Variants in MRTFB observed in about 807,000 individuals in gnomAD.
The protein encoded by MRTFB is myocardin-related transcription factor B.
Under a neutral mutation model 104.2 loss-of-function variants are expected in MRTFB, and 29 were observed. The observed-to-expected ratio is 0.28, with a 90% CI of 0.21 to 0.38. The LOEUF (loss-of-function observed/expected upper bound fraction) is 0.38. Among genes scored for constraint, MRTFB ranks in the 10% least tolerant of loss-of-function variants. The pLI, the probability that MRTFB is intolerant of heterozygous loss-of-function variation, is 1.00. For synonymous variants in MRTFB, 535 were observed against 519.5 expected (o/e 1.03, Z -0.41); for missense variants, 1,270 against 1,341.6 (o/e 0.95, Z 0.83).
At position 14,101,999 on chromosome 16, in the gene MRTFB, T is replaced by A. The variant is rs556680711; in HGVS notation, c.-64+22645T>A. ...TTTTGAAAAATACATAACAGCTGTT[T>A]GCTGAGAGGCACTAATGGGACTGGT... On this transcript the variant is annotated intron_variant, in intron 2 of 16. Coordinates refer to ENST00000571589, the MANE Select transcript of MRTFB (RefSeq NM_001308142.2). 3.3e-5 allele frequency among the ~76,000 whole-genome samples: 5 copies of A among 152,146 alleles called. No individual in the cohort carries two copies. In the South Asian group the frequency reaches 1.0e-3, roughly 32 times the overall value.
chr16:14,234,604 G>A (rs1259986673), intron 9 of MRTFB, among the ~76,000 whole-genome samples: 1 of 152,056 alleles, frequency 6.6e-6, no homozygotes, highest in East Asian at 1.9e-4. Context: ...GAACAGCCTG[G>A]GCAACATAGC....
chr16:14,177,062 A>G lies in MRTFB; in HGVS notation c.155-33181A>G, dbSNP rs934298642. 3.3e-5 allele frequency among the ~76,000 whole-genome samples: 5 copies of G among 152,184 alleles called. No individual in the cohort carries two copies. Among genetic ancestry groups the G allele is most frequent in the African/African-American group, 9.7e-5 (4 of 41,442 alleles). ...GAATAGGGAAATCCAGGAAGAAAAA[A>G]CTTGTACAAAAACAAGGACAACACA... On this transcript the variant is annotated intron_variant, in intron 3 of 16. Coordinates refer to ENST00000571589, the MANE Select transcript of MRTFB (RefSeq NM_001308142.2). The surrounding 1 kb of genome is among the most constrained non-coding windows in gnomAD (Gnocchi z 4.7).
At chr16:14,042,557 A>T in the MRTFB span, among the ~76,000 whole-genome samples, 1 of 152,356 alleles carries the variant, frequency 6.6e-6, no homozygotes, top group South Asian at 2.1e-4. Flanking sequence ...CTGGGAAGTT[A>T]AATCAGTTGT....
chr16:14,140,850 G>A, intron 3 of MRTFB, 90 bp downstream of exon 3: 3 of 1,511,990 alleles, frequency 2.0e-6, no homozygotes, highest in Non-Finnish European at 1.8e-6. Context: ...TAATATTTTG[G>A]TCAGTTCAGC....
chr16:14,073,558 C>T (rs1445916801), intron 1 of MRTFB, among the ~76,000 whole-genome samples: 1 of 152,132 alleles, frequency 6.6e-6, no homozygotes, highest in African/African-American at 2.4e-5. Context: ...ATTGATTATT[C>T]TAGAATCTCA....
intron 1 of MRTFB, among the ~76,000 whole-genome samples, chr16:14,074,672 A>C (rs1026469324): frequency 6.6e-6 from 1 of 152,212 alleles, no homozygotes; most frequent in Admixed American, 6.5e-5. Context: ...AAATTATTAC[A>C]TAATTTTACT....
chr16:14,247,487 G>T lies in MRTFB; in HGVS notation c.2227G>T (p.Val743Leu), dbSNP rs544041839. The T allele has an allele frequency of 5.7e-6, 9 of 1,565,618 alleles. No homozygotes were observed. In the South Asian group the frequency reaches 6.9e-5, roughly 12 times the overall value. Reference protein sequence around the residue: ...GSSVTSVQLPVGSLKLQTSPQ... With the variant: ...GSSVTSVQLPLGSLKLQTSPQ... ...GAGTGTCACCTCAGTGCAACTCCCTGTAGGCAGCCTCAAACTCCAGGTGTG... is the reference window on the plus strand; with the variant it reads ...GAGTGTCACCTCAGTGCAACTCCCTTTAGGCAGCCTCAAACTCCAGGTGTG... Residue 743 changes from valine to leucine, a missense_variant, in exon 12 of 17, where the codon GTA becomes TTA. Physicochemically the swap from Val to Leu is conservative, Grantham distance 32. Around this residue, in one of 3 missense-constraint regions of MRTFB, gnomAD observed 1,144 missense variants for 1,131.5 expected, o/e 1.01. Coordinates refer to ENST00000571589, the MANE Select transcript of MRTFB (RefSeq NM_001308142.2).
At chr16:14,124,512 A>G (rs1025333763) in intron 2 of MRTFB, among the ~76,000 whole-genome samples, 5 of 152,194 alleles carry the variant, frequency 3.3e-5, no homozygotes, top group African/African-American at 1.2e-4. Flanking sequence ...TTCTGCATCT[A>G]TTGAGATAAT....
At chr16:14,099,041 T>C (rs1170667679) in intron 2 of MRTFB, among the ~76,000 whole-genome samples, 3 of 152,186 alleles carry the variant, frequency 2.0e-5, no homozygotes, top group African/African-American at 7.2e-5. Flanking sequence ...TTTTACAAAG[T>C]TGTTTGAGCT....
intron 3 of MRTFB, among the ~76,000 whole-genome samples, chr16:14,198,607 C>T (rs2040543394): frequency 6.6e-6 from 1 of 152,228 alleles, no homozygotes; most frequent in Admixed American, 6.5e-5. Context: ...ACTTTCTCTT[C>T]ACAGTCTACA....
At chr16:14,249,214 T>C in intron 13 of MRTFB, 133 bp downstream of exon 13, 1 of 1,095,260 alleles carries the variant, frequency 9.1e-7, no homozygotes, top group Admixed American at 2.8e-5. Context: ...TCCCATAGAA[T>C]GAGCCTTAGG....
intron 9 of MRTFB, among the ~76,000 whole-genome samples, chr16:14,235,304 G>T (rs879270526): frequency 6.6e-6 from 1 of 152,192 alleles, no homozygotes; most frequent in African/African-American, 2.4e-5. Context: ...CCCATCTTCT[G>T]TTGCTTAGCA....
chr16:14,103,795 T>C (rs1596842463), intron 2 of MRTFB, among the ~76,000 whole-genome samples: 2 of 152,338 alleles, frequency 1.3e-5, no homozygotes, highest in East Asian at 3.8e-4. Context: ...AATTAGGTGT[T>C]GAAATAGAAA....
chr16:14,253,856 G>T (rs911614972), intron 15 of MRTFB, among the ~76,000 whole-genome samples: 1 of 152,190 alleles, frequency 6.6e-6, no homozygotes, highest in Admixed American at 6.5e-5. Context: ...TTCAAAGACG[G>T]GTTCAAATAT....
At chr16:14,017,791 C>G in the MRTFB span, among the ~76,000 whole-genome samples, 1 of 141,690 alleles carries the variant, frequency 7.1e-6, no homozygotes, top group South Asian at 2.3e-4. Flanking sequence ...TCACAGCTCA[C>G]TGCAACCTCC....
chr16:14,099,603 C>A (rs1268724844), intron 2 of MRTFB, among the ~76,000 whole-genome samples: 3 of 151,440 alleles, frequency 2.0e-5, no homozygotes, highest in Non-Finnish European at 2.9e-5. Flanking sequence ...TCTACCTCGG[C>A]CTTCCAAAAT....
At chr16:14,173,183 C>T (rs753030751) in intron 3 of MRTFB, among the ~76,000 whole-genome samples, 4 of 151,900 alleles carry the variant, frequency 2.6e-5, no homozygotes, top group South Asian at 2.1e-4. Context: ...TGTGTTTTTC[C>T]GGCTTGCCTT....
chr16:14,152,794 T>G (rs1790978332), intron 3 of MRTFB: 1 of 152,222 alleles, frequency 6.6e-6, no homozygotes, highest in East Asian at 1.9e-4. Context: ...TTGTATGGTT[T>G]GTTTCCTTCT....
intron 2 of MRTFB, among the ~76,000 whole-genome samples, chr16:14,099,887 C>T (rs538178770): frequency 7.2e-5 from 11 of 152,122 alleles, no homozygotes; most frequent in East Asian, 1.9e-4. Context: ...AGGCTGGTCT[C>T]GAACTCCTGA....
Sources: allele counts gnomAD v4.1 joint callset (sites outside exome capture counted in the v4.1 genomes callset), GRCh38; gene constraint gnomAD v4.1.1; regional missense constraint gnomAD v4.1.1; non-coding constraint Gnocchi (gnomAD v3.1); transcripts MANE v1.5; gene names NCBI Gene and HGNC (gene_info 2026-07-23, HGNC 2026-07-21).